The following GLRA3 variants were observed in gnomAD, a reference collection of about 807,000 sequenced individuals.
GLRA3 encodes glycine receptor subunit alpha-3.
In GLRA3, 44 loss-of-function variants were observed where a neutral mutation model predicts 60.4. That is an observed-to-expected ratio of 0.73 (90% confidence interval 0.57 to 0.94). The LOEUF is 0.94. Ranked by LOEUF, GLRA3 falls within the 40% of genes least tolerant of loss-of-function variation. The pLI is 0.00. For missense variants in GLRA3, 508 were observed against 564.6 expected (o/e 0.90, Z 1.02); for synonymous variants, 223 against 192.9 (o/e 1.16, Z -1.29).
chr4:174,691,668 G>A (rs1210730703), intron 5 of GLRA3, among the ~76,000 whole-genome samples: 1 of 152,226 alleles, frequency 6.6e-6, no homozygotes. Flanking sequence ...TGCCGGGATT[G>A]CAGACGGAGT....
chr4:174,809,317 G>A (rs1740171491), intron 1 of GLRA3, among the ~76,000 whole-genome samples: 2 of 152,230 alleles, frequency 1.3e-5, no homozygotes, highest in East Asian at 1.9e-4. Flanking sequence ...GTTTGTGTAA[G>A]TACACTCTAT....
intron 5 of GLRA3, among the ~76,000 whole-genome samples, chr4:174,710,989 T>C (rs1005209539): frequency 1.3e-5 from 2 of 152,072 alleles, no homozygotes; most frequent in African/African-American, 4.8e-5. Flanking sequence ...TGTGCTTTCA[T>C]TGTAACTTAA....
At chr4:174,703,035 T>C (rs1735384821) in intron 5 of GLRA3, among the ~76,000 whole-genome samples, 1 of 152,148 alleles carries the variant, frequency 6.6e-6, no homozygotes, top group Admixed American at 6.5e-5. Flanking sequence ...TTTTTGCAAA[T>C]CTGCATGTAG....
intron 5 of GLRA3, among the ~76,000 whole-genome samples, chr4:174,696,462 T>C (rs1035442913): frequency 1.3e-5 from 2 of 149,018 alleles, no homozygotes; most frequent in Admixed American, 6.7e-5. Context: ...ACAAATATAA[T>C]ACAATACAAT....
intron 7 of GLRA3, among the ~76,000 whole-genome samples, chr4:174,660,927 C>T (rs914882114): frequency 1.3e-5 from 2 of 152,158 alleles, no homozygotes; most frequent in Non-Finnish European, 2.9e-5. Flanking sequence ...GATGTTAGCA[C>T]ATATATCCGT....
intron 5 of GLRA3, among the ~76,000 whole-genome samples, chr4:174,696,141 A>G (rs1735044267): frequency 6.6e-6 from 1 of 152,096 alleles, no homozygotes; most frequent in Non-Finnish European, 1.5e-5. Flanking sequence ...GATAGGAAGA[A>G]TCAATATCAT....
At chr4:174,827,703 A>C (rs1296819434) in intron 1 of GLRA3, among the ~76,000 whole-genome samples, 4 of 152,156 alleles carry the variant, frequency 2.6e-5, no homozygotes, top group East Asian at 3.9e-4. Flanking sequence ...ATATATAGGC[A>C]AATGAAAATA....
At chr4:174,703,510 G>A (rs1299606667) in intron 5 of GLRA3, among the ~76,000 whole-genome samples, 1 of 152,030 alleles carries the variant, frequency 6.6e-6, no homozygotes, top group Non-Finnish European at 1.5e-5. Context: ...AGTTTGGCTG[G>A]CTTCCCTCTT....
At chr4:174,725,869 T>A (rs890380355) in intron 4 of GLRA3, among the ~76,000 whole-genome samples, 4 of 152,220 alleles carry the variant, frequency 2.6e-5, no homozygotes, top group African/African-American at 9.6e-5. Flanking sequence ...TGATTTCTGG[T>A]TCTTTGTATG....
At chr4:174,731,497 A>G (rs909291114) in intron 3 of GLRA3, among the ~76,000 whole-genome samples, 1 of 152,224 alleles carries the variant, frequency 6.6e-6, no homozygotes, top group Non-Finnish European at 1.5e-5. Context: ...ACATCTCTAC[A>G]TGACGCTACT....
chr4:174,707,687 C>T (rs1380240812), intron 5 of GLRA3, among the ~76,000 whole-genome samples: 1 of 152,056 alleles, frequency 6.6e-6, no homozygotes, highest in Non-Finnish European at 1.5e-5. Flanking sequence ...TTTAAGGATA[C>T]CACAATTACA....
intron 1 of GLRA3, among the ~76,000 whole-genome samples, chr4:174,824,867 C>T (rs1449629202): frequency 2.0e-5 from 3 of 152,184 alleles, no homozygotes; most frequent in African/African-American, 7.2e-5. Context: ...GACATTTGTT[C>T]AATCATCCAA....
chr4:174,744,709 A>G (rs6824151), intron 3 of GLRA3, among the ~76,000 whole-genome samples: 24,061 of 152,164 alleles, frequency 0.16, 2,489 homozygotes, highest in African/African-American at 0.3. Context: ...CACCAGTTAC[A>G]TATATATCAA....
intron 1 of GLRA3, among the ~76,000 whole-genome samples, chr4:174,816,926 A>G (rs1033050838): frequency 1.5e-4 from 23 of 152,182 alleles, no homozygotes; most frequent in Non-Finnish European, 3.1e-4. Context: ...TAATAATATC[A>G]TGTAAAATGG....
chr4:174,682,010 A>T (rs538700752), intron 6 of GLRA3, among the ~76,000 whole-genome samples: 1 of 152,358 alleles, frequency 6.6e-6, no homozygotes, highest in Non-Finnish European at 1.5e-5. Context: ...GTCACAGCAC[A>T]GTTCTGGAAA....
chr4:174,701,541 G>T (rs1735320276), intron 5 of GLRA3, among the ~76,000 whole-genome samples: 1 of 152,090 alleles, frequency 6.6e-6, no homozygotes, highest in African/African-American at 2.4e-5. Flanking sequence ...TATAACTTAA[G>T]AAAAACATTT....
chr4:174,807,868 C>A (rs1199824136), intron 1 of GLRA3, among the ~76,000 whole-genome samples: 6 of 152,026 alleles, frequency 3.9e-5, no homozygotes, highest in Admixed American at 3.9e-4. Context: ...TAAATGCTCT[C>A]CTGGAAAAAT....
intron 7 of GLRA3, among the ~76,000 whole-genome samples, chr4:174,667,899 G>A (rs892156147): frequency 6.6e-6 from 1 of 152,026 alleles, no homozygotes; most frequent in Non-Finnish European, 1.5e-5. Context: ...GTTTGGATCT[G>A]TGCCCCCACC....
At chr4:174,680,323 A>G (rs765730433) in intron 6 of GLRA3, among the ~76,000 whole-genome samples, 10 of 152,210 alleles carry the variant, frequency 6.6e-5, no homozygotes, top group Non-Finnish European at 1.5e-4. Context: ...AGCAGACCCC[A>G]GAAATACAGT....
Sources: allele counts gnomAD v4.1 joint callset (sites outside exome capture counted in the v4.1 genomes callset), GRCh38; gene constraint gnomAD v4.1.1; transcripts MANE v1.5; gene names NCBI Gene and HGNC (gene_info 2026-07-23, HGNC 2026-07-21).